The following NMT1 variants were observed in gnomAD, a reference collection of about 807,000 sequenced individuals.
NMT1 encodes N-myristoyltransferase 1.
NMT1 carries 12 observed loss-of-function variants against 63.4 expected under a neutral mutation model. The observed-to-expected ratio is 0.19, with a 90% CI of 0.12 to 0.31. NMT1 has a LOEUF of 0.31. NMT1 is among the 10% of genes least tolerant of loss of function. The probability of loss-of-function intolerance (pLI) is 1.00; values close to 1 mark genes in which losing one functional copy is unlikely to be tolerated. For synonymous variants in NMT1, 228 were observed against 234.3 expected, an observed-to-expected ratio of 0.97 and a Z score of 0.25; for missense variants, 432 against 634.6, an observed-to-expected ratio of 0.68 and a Z score of 3.43.
rs546173776 is a variant in NMT1 at position 45,088,004 on chromosome 17, A to G, written c.385+1352A>G. Among the ~76,000 whole-genome samples, 4 of 152,328 alleles carry G rather than the reference A, an allele frequency of 2.6e-5. No homozygotes were observed. The South Asian group carries it at 8.3e-4, about 32-fold the overall frequency. ...CAGAACTGCCAGAGGATTTCTGTCCACTTTGAAAGTTTGAGAAGCTCTGCT... is the reference window on the plus strand; with the variant it reads ...CAGAACTGCCAGAGGATTTCTGTCCGCTTTGAAAGTTTGAGAAGCTCTGCT... On this transcript the variant is annotated intron_variant, in intron 3 of 11. Transcript: ENST00000258960.
intron 1 of NMT1, among the ~76,000 whole-genome samples, chr17:45,081,116 A>G (rs932904840): frequency 5.9e-5 from 9 of 152,306 alleles, no homozygotes; most frequent in African/African-American, 2.2e-4. Context: ...GATTGTGGCA[A>G]TGTTAATGTG....
intron 3 of NMT1, among the ~76,000 whole-genome samples, chr17:45,089,719 G>C (rs1274339294): frequency 6.6e-6 from 1 of 152,008 alleles, no homozygotes; most frequent in Non-Finnish European, 1.5e-5. Flanking sequence ...GCTCACTGCA[G>C]CCTTGATCTC....
At chr17:45,096,739 G>A (rs11868588) in intron 5 of NMT1, among the ~76,000 whole-genome samples, 16,597 of 152,264 alleles carry the variant, frequency 0.11, 1,011 homozygotes, top group Middle Eastern at 0.18. Context: ...AGGGAAGGAA[G>A]AATTTGTACC....
chr17:45,099,825 C>T, intron 8 of NMT1: 1 of 318,248 alleles, frequency 3.1e-6, no homozygotes, highest in Non-Finnish European at 6.0e-6. Context: ...GATGAATCCA[C>T]TTAGTGAACC....
In NMT1 at chr17:45,104,471, A is replaced by G; in HGVS notation, c.1333-388A>G. 9.1e-7 allele frequency: 1 copy of G among 1,095,460 alleles called. No individual in the cohort carries two copies. The allele number at this position is 1,095,460 out of a possible 1,614,324, so 67.9% of individuals were successfully genotyped here. ...GGCCTGAGAGTTGGGGCATCCATGG[A>G]GTAAGGAAGCAACACAAACCCCATG... On this transcript the variant is annotated intron_variant, in intron 10 of 11. Coordinates refer to ENST00000258960, the MANE Select transcript of NMT1 (RefSeq NM_021079.5). The surrounding 1 kb of genome is among the most constrained non-coding windows in gnomAD (Gnocchi z 4.2).
intron 1 of NMT1, among the ~76,000 whole-genome samples, chr17:45,076,354 T>C (rs1199500139): frequency 1.3e-5 from 2 of 151,806 alleles, no homozygotes; most frequent in African/African-American, 4.8e-5. Context: ...GGTTGTCTTC[T>C]GTTTGGGGGT....
At chr17:45,063,638 G>A (rs1395527343) in intron 1 of NMT1, among the ~76,000 whole-genome samples, 1 of 152,250 alleles carries the variant, frequency 6.6e-6, no homozygotes, top group Non-Finnish European at 1.5e-5. Context: ...GCTCACACCT[G>A]TAATCCCAGC....
chr17:45,103,680 A>T lies in NMT1; in HGVS notation c.1165-29A>T. 6.3e-7 allele frequency: 1 copy of T among 1,597,186 alleles called. No individual in the cohort carries two copies. The highest frequency in any genetic ancestry group is 8.5e-7 in the Non-Finnish European group (1 of 1,171,006). ...GCCGCAGTGCCACTGTGCATGCTTGACATTGCCTCTTTATTGCCTTCCCTT... is the reference window on the plus strand; with the variant it reads ...GCCGCAGTGCCACTGTGCATGCTTGTCATTGCCTCTTTATTGCCTTCCCTT... On this transcript the variant is annotated intron_variant, in intron 9 of 11. Transcript: ENST00000258960. The surrounding 1 kb of genome is among the most constrained non-coding windows in gnomAD (Gnocchi z 4.8).
At chr17:45,072,917 A>G (rs1200971940) in intron 1 of NMT1, among the ~76,000 whole-genome samples, 1 of 152,150 alleles carries the variant, frequency 6.6e-6, no homozygotes, top group Non-Finnish European at 1.5e-5. Context: ...GTAGCTCAAG[A>G]GCACAGCATT....
At chr17:45,098,588 G>A in intron 7 of NMT1, 36 bp downstream of exon 7, 1 of 1,601,370 alleles carries the variant, frequency 6.2e-7, no homozygotes, top group Non-Finnish European at 8.5e-7. Context: ...CAAAAATGCG[G>A]GTGTCTGCAC....
At position 45,075,507 on chromosome 17, in the gene NMT1, C is replaced by T. The variant is rs902444452; in HGVS notation, c.132-6137C>T. On this transcript the variant is annotated intron_variant, in intron 1 of 11. Coordinates refer to ENST00000258960, the MANE Select transcript of NMT1 (RefSeq NM_021079.5). ...TCTTAAAAAAAAAAAAATGGCTGGG[C>T]GTGGTGGCTCACGCCTGTAATCCCA... 4.1e-5 allele frequency among the ~76,000 whole-genome samples: 6 copies of T among 146,082 alleles called. No individual in the cohort carries two copies. In the South Asian group the frequency reaches 8.7e-4, roughly 21 times the overall value.
chr17:45,104,659 A>G lies in NMT1; in HGVS notation c.1333-200A>G, dbSNP rs1378610954. 1 of 1,419,812 alleles carries G rather than the reference A, an allele frequency of 7.0e-7. No individual in the cohort carries two copies. The highest frequency in any genetic ancestry group is 9.2e-7 in the Non-Finnish European group (1 of 1,089,210). The allele number at this position is 1,419,812 out of a possible 1,614,324, so 88.0% of individuals were successfully genotyped here. On this transcript the variant is annotated intron_variant, in intron 10 of 11. Coordinates refer to ENST00000258960, the MANE Select transcript of NMT1 (RefSeq NM_021079.5). This position sits in a 1 kb window ranked among gnomAD's most constrained non-coding sequence, Gnocchi z 4.2. Reference sequence around the variant, plus strand: ...GTACACTCTGAGGGACACTGGGCAGAGGCCAGGCTGGAGGGGGCGCTCAGA... The same window carrying G: ...GTACACTCTGAGGGACACTGGGCAGGGGCCAGGCTGGAGGGGGCGCTCAGA...
chr17:45,073,150 C>T (rs1488338925), intron 1 of NMT1, among the ~76,000 whole-genome samples: 2 of 152,040 alleles, frequency 1.3e-5, no homozygotes, highest in Non-Finnish European at 2.9e-5. Context: ...TGGCCGGGCG[C>T]GGTGGCTCAC....
rs917340541 is a variant in NMT1 at position 45,106,972 on chromosome 17, G to A, written c.*1333G>A. On this transcript the variant is annotated 3_prime_UTR_variant, in exon 12 of 12. Transcript: ENST00000258960. Reference sequence around the variant, plus strand: ...TGGAGTGGTGTTCAGCCAAGTGACCGGGCAAAATTGGGCTGTGAAATTGTA... The same window carrying A: ...TGGAGTGGTGTTCAGCCAAGTGACCAGGCAAAATTGGGCTGTGAAATTGTA... The A allele has an allele frequency of 4.6e-5, 7 of 152,214 alleles. No homozygotes were observed. The highest frequency in any genetic ancestry group is 1.4e-4 in the African/African-American group (6 of 41,450). The allele number at this position is 152,214 out of a possible 1,614,324, so 9.4% of individuals were successfully genotyped here.
intron 3 of NMT1, among the ~76,000 whole-genome samples, chr17:45,088,222 T>C (rs2054066855): frequency 6.6e-6 from 1 of 151,962 alleles, no homozygotes; most frequent in African/African-American, 2.4e-5. Flanking sequence ...CAGCAAGGCT[T>C]TGGGCCACAG....
intron 3 of NMT1, 191 bp from the exon 4 acceptor site, chr17:45,093,494 G>C (rs1252485595): frequency 8.9e-6 from 5 of 560,794 alleles, no homozygotes; most frequent in Non-Finnish European, 1.3e-5. Flanking sequence ...CTGAGGTTTT[G>C]CCATGAATTG....
chr17:45,096,298 G>C lies in NMT1; in HGVS notation c.596+13G>C. On this transcript the variant is annotated intron_variant, in intron 5 of 11. Coordinates refer to ENST00000258960, the MANE Select transcript of NMT1 (RefSeq NM_021079.5). ...AGTTTCTTTTGTGGTAAGTTGTGGG[G>C]GCTTTCTTGAGGTTCTTGAGAGGAA... 6.2e-7 allele frequency: 1 copy of C among 1,607,716 alleles called. No individual in the cohort carries two copies. Among genetic ancestry groups the C allele is most frequent in the Non-Finnish European group, 8.5e-7 (1 of 1,174,184 alleles).
intron 1 of NMT1, among the ~76,000 whole-genome samples, chr17:45,071,261 G>C (rs1189378260): frequency 1.3e-5 from 2 of 152,098 alleles, no homozygotes; most frequent in Non-Finnish European, 2.9e-5. Context: ...TTGAGACAAG[G>C]TTTCACTCTG....
At position 45,105,111 on chromosome 17, in the gene NMT1, G is replaced by A; in HGVS notation, c.1470+115G>A. 1 of 1,381,322 alleles carries A rather than the reference G, an allele frequency of 7.2e-7. No individual in the cohort carries two copies. The allele number at this position is 1,381,322 out of a possible 1,614,324, so 85.6% of individuals were successfully genotyped here. A position where few individuals can be genotyped will look rare whatever the true frequency, so the allele number is the denominator to read the frequency against. ...GCAGTCTGGGTCCTTGTTACCTCGA[G>A]TTGAACCTTTGAAAATGCCCTCCCT... On this transcript the variant is annotated intron_variant, in intron 11 of 11. Transcript: ENST00000258960. This position sits in a 1 kb window ranked among gnomAD's most constrained non-coding sequence, Gnocchi z 4.2.
Sources: gnomAD v4.1 joint callset for allele counts (sites outside exome capture counted in the v4.1 genomes callset) on GRCh38, gnomAD v4.1.1 for gene constraint, Gnocchi (gnomAD v3.1) non-coding constraint, MANE v1.5 for transcripts, NCBI Gene and HGNC (gene_info 2026-07-23, HGNC 2026-07-21) for gene names.